The following SNX24 variants were observed in gnomAD, a reference collection of about 807,000 sequenced individuals.
The protein encoded by SNX24 is sorting nexin 24.
A neutral mutation model predicts 28.7 loss-of-function variants in SNX24; 22 were observed. The observed-to-expected ratio is 0.77, with a 90% CI of 0.55 to 1.10. SNX24 has a LOEUF of 1.10. Among genes scored for constraint, SNX24 ranks in the 50% least tolerant of loss-of-function variants. SNX24 has a pLI of 0.00. For missense variants in SNX24, 221 were observed against 201.1 expected, an observed-to-expected ratio of 1.10 and a Z score of -0.60; for synonymous variants, 69 against 71.5, an observed-to-expected ratio of 0.96 and a Z score of 0.18.
At chr5:122,863,115 C>A (rs900443717) in intron 1 of SNX24, among the ~76,000 whole-genome samples, 5 of 152,068 alleles carry the variant, frequency 3.3e-5, no homozygotes, top group Admixed American at 3.3e-4. Context: ...TAAGAGTAAA[C>A]ATGATAATTA....
At chr5:123,005,472 T>C (rs76981584) in intron 6 of SNX24, among the ~76,000 whole-genome samples, 5,233 of 152,346 alleles carry the variant, frequency 0.034, 97 homozygotes, top group Middle Eastern at 0.065. Context: ...TTTTTCTCCT[T>C]GCCCTGTTCT....
At chr5:123,010,275 T>C (rs184171275), downstream of SNX24, among the ~76,000 whole-genome samples, 11 of 151,302 alleles carry the variant, frequency 7.3e-5, no homozygotes, top group African/African-American at 2.4e-4. Flanking sequence ...GGAATGCACA[T>C]GGGAAAGATG....
At chr5:122,982,474 A>AT (rs1257347782) in intron 3 of SNX24, among the ~76,000 whole-genome samples, 2 of 152,236 alleles carry the variant, frequency 1.3e-5, no homozygotes, top group African/African-American at 4.8e-5. Context: ...TATAAAAAGC[A>AT]TTTTTTATGA....
intron 1 of SNX24, among the ~76,000 whole-genome samples, chr5:122,924,820 AG>A (rs1322157348): frequency 2.6e-5 from 4 of 152,182 alleles, no homozygotes; most frequent in African/African-American, 9.7e-5. Context: ...AAATACAGCC[AG>A]GAAGTAGCAG....
chr5:122,846,014 C>G (rs960007222), intron 1 of SNX24, among the ~76,000 whole-genome samples: 2 of 152,238 alleles, frequency 1.3e-5, no homozygotes, highest in Admixed American at 6.5e-5. Context: ...GCGTTCCTTT[C>G]TGGCACAGCT....
intron 3 of SNX24, among the ~76,000 whole-genome samples, chr5:122,958,797 C>G (rs1277162990): frequency 3.3e-5 from 5 of 151,932 alleles, no homozygotes; most frequent in Non-Finnish European, 5.9e-5. Flanking sequence ...TGAGCTCAAA[C>G]AATCTGCCTG....
chr5:122,849,697 T>G (rs1754807490), intron 1 of SNX24, among the ~76,000 whole-genome samples: 1 of 152,066 alleles, frequency 6.6e-6, no homozygotes, highest in Non-Finnish European at 1.5e-5. Context: ...CTGGGGAGAT[T>G]ATTCTGTCCC....
intron 3 of SNX24, among the ~76,000 whole-genome samples, chr5:122,949,087 T>G (rs1283704413): frequency 2.0e-5 from 3 of 152,222 alleles, no homozygotes; most frequent in African/African-American, 7.2e-5. Flanking sequence ...TCAAATTACC[T>G]ATTTTCAAAA....
At chr5:122,889,910 G>T (rs246282) in intron 1 of SNX24, among the ~76,000 whole-genome samples, 117,220 of 150,780 alleles carry the variant, frequency 0.78, 46,573 homozygotes, top group East Asian at 0.99. Flanking sequence ...TAATGTCCTT[G>T]TTAGTATTTT....
At chr5:122,857,479 G>T (rs1260204787) in intron 1 of SNX24, among the ~76,000 whole-genome samples, 1 of 151,676 alleles carries the variant, frequency 6.6e-6, no homozygotes, top group Non-Finnish European at 1.5e-5. Context: ...TGTCACAGTG[G>T]TTTGGTGTAC....
At chr5:122,977,456 G>C (rs1318726421) in intron 3 of SNX24, among the ~76,000 whole-genome samples, 1 of 151,864 alleles carries the variant, frequency 6.6e-6, no homozygotes, top group Non-Finnish European at 1.5e-5. Flanking sequence ...TTACTGTTAG[G>C]TCAACAAAAC....
chr5:122,912,506 T>C (rs1757935786), intron 1 of SNX24, among the ~76,000 whole-genome samples: 1 of 152,084 alleles, frequency 6.6e-6, no homozygotes, highest in Non-Finnish European at 1.5e-5. Flanking sequence ...TCCAACACTA[T>C]GTTGAATAGG....
chr5:122,896,235 G>A (rs1757196415), intron 1 of SNX24, among the ~76,000 whole-genome samples: 2 of 152,154 alleles, frequency 1.3e-5, no homozygotes, highest in African/African-American at 2.4e-5. Context: ...TGGCACACAT[G>A]TTGTAATTCC....
intron 3 of SNX24, among the ~76,000 whole-genome samples, chr5:122,987,683 G>A (rs1363663952): frequency 1.3e-5 from 2 of 152,140 alleles, no homozygotes; most frequent in African/African-American, 4.8e-5. Context: ...CTGGACAAGA[G>A]GGCAGAAAAT....
At chr5:122,989,888 G>A (rs1331391596) in intron 3 of SNX24, among the ~76,000 whole-genome samples, 2 of 152,160 alleles carry the variant, frequency 1.3e-5, no homozygotes, top group Non-Finnish European at 2.9e-5. Context: ...ACAGGTTCCA[G>A]CTTGGACCCC....
chr5:122,968,122 G>A (rs544554011), intron 3 of SNX24, among the ~76,000 whole-genome samples: 10 of 152,330 alleles, frequency 6.6e-5, no homozygotes, highest in African/African-American at 2.2e-4. Context: ...GGGAGGCCGA[G>A]GCAGGCAGAT....
intron 2 of SNX24, among the ~76,000 whole-genome samples, chr5:122,938,832 T>G (rs374928651): frequency 6.4e-5 from 3 of 47,018 alleles, no homozygotes; most frequent in Non-Finnish European, 9.6e-5. Context: ...CCCAGCTACT[T>G]GGGAGGCTGA....
At chr5:122,857,370 G>A (rs1044656613) in intron 1 of SNX24, among the ~76,000 whole-genome samples, 2 of 151,848 alleles carry the variant, frequency 1.3e-5, no homozygotes, top group Non-Finnish European at 2.9e-5. Context: ...TCTACATATG[G>A]CTACCACTTA....
chr5:122,935,572 A>G (rs960795944), intron 1 of SNX24, among the ~76,000 whole-genome samples: 6 of 152,226 alleles, frequency 3.9e-5, no homozygotes, highest in African/African-American at 1.4e-4. Flanking sequence ...GTCATGCAGC[A>G]GAAGATTTTG....
Sources: gnomAD v4.1 joint callset for allele counts (sites outside exome capture counted in the v4.1 genomes callset) on GRCh38, gnomAD v4.1.1 for gene constraint, MANE v1.5 for transcripts, NCBI Gene and HGNC (gene_info 2026-07-23, HGNC 2026-07-21) for gene names.